NAA16: variants seen among roughly 807,000 people sequenced by gnomAD.
NAA16 encodes the protein N-alpha-acetyltransferase 16, NatA auxiliary subunit, also known as NARG1-like protein.
In NAA16, 97 loss-of-function variants were observed where a neutral mutation model predicts 110.3. The ratio of observed to expected loss-of-function variants is 0.88; its 90% CI spans 0.75 to 1.04. NAA16 has a LOEUF of 1.04. Among genes scored for constraint, NAA16 ranks in the 50% least tolerant of loss-of-function variants. The pLI is 0.00. For missense variants in NAA16, 1,017 were observed against 1,005.1 expected, an observed-to-expected ratio of 1.01 and a Z score of -0.16; for synonymous variants, 372 against 330.6, an observed-to-expected ratio of 1.13 and a Z score of -1.36.
rs148219104 is a variant in NAA16, at chr13:41,325,687, T to C, written c.538-11T>C. ...TTATACAAATAAAGTAATTTGGTCA[T>C]TTTTTTTCAGGTTCCTCCAAACAAA... On this transcript the variant is annotated splice_polypyrimidine_tract_variant and intron_variant, in intron 5 of 19. Transcript: ENST00000379406. 3.8e-4 allele frequency: 569 copies of C among 1,506,134 alleles called. 3 individuals are homozygous for C. In the African/African-American group the frequency reaches 6.9e-3, roughly 18 times the overall value. 93.3% of individuals were successfully genotyped at this position (1,506,134 alleles called of 1,614,324 possible).
intron 6 of NAA16, among the ~76,000 whole-genome samples, chr13:41,327,322 T>C (rs2042120124): frequency 6.6e-6 from 1 of 152,164 alleles, no homozygotes; most frequent in Non-Finnish European, 1.5e-5. Context: ...AAGGCAATTA[T>C]TTTCCTTTCT....
At chr13:41,348,542 C>T (rs551274602) in intron 9 of NAA16, among the ~76,000 whole-genome samples, 18 of 152,086 alleles carry the variant, frequency 1.2e-4, no homozygotes, top group African/African-American at 4.1e-4. Flanking sequence ...TTGATGGGTT[C>T]GATTTGCTAG....
chr13:41,369,165 A>C lies in NAA16; in HGVS notation c.1829A>C (p.Glu610Ala). Residue 610 changes from glutamate (E) to alanine (A), a missense_variant, in exon 15 of 20, where the codon GAA becomes GCA. Glu to Ala is a moderately radical substitution (Grantham distance 107). Coordinates refer to ENST00000379406, the MANE Select transcript of NAA16 (RefSeq NM_024561.5). The stretch of plus-strand genomic sequence containing the variant: ...GCTCAGAAAAAGGCTAAACTAGAAG[A>C]AGAAAGAAAGCATGCAGAAAGAGAA... ...RRAQKKAKLE[E>A]ERKHAERERQ... The C allele has an allele frequency of 2.5e-6, 4 of 1,596,626 alleles. No individual in the cohort carries two copies. Among genetic ancestry groups the C allele is most frequent in the Non-Finnish European group, 3.4e-6 (4 of 1,174,034 alleles).
intron 9 of NAA16, among the ~76,000 whole-genome samples, chr13:41,347,281 C>T (rs1368769015): frequency 1.3e-5 from 2 of 149,818 alleles, no homozygotes; most frequent in African/African-American, 2.4e-5. Context: ...CTACTTTGTT[C>T]TTCAAGACTA....
At chr13:41,346,017 C>T (rs1352177413) in intron 9 of NAA16, among the ~76,000 whole-genome samples, 1 of 152,002 alleles carries the variant, frequency 6.6e-6, no homozygotes, top group Admixed American at 6.6e-5. Context: ...GGATGAAGTC[C>T]AGCTTATCTT....
intron 9 of NAA16, among the ~76,000 whole-genome samples, chr13:41,345,588 G>A (rs2042660022): frequency 6.6e-6 from 1 of 151,912 alleles, no homozygotes; most frequent in Non-Finnish European, 1.5e-5. Context: ...TTTTTTCGTT[G>A]TTTGTGTTTT....
intron 14 of NAA16, among the ~76,000 whole-genome samples, chr13:41,368,606 G>A (rs1234501802): frequency 6.6e-6 from 1 of 152,106 alleles, no homozygotes; most frequent in East Asian, 1.9e-4. Flanking sequence ...GAAAAAAAAA[G>A]TATACAGCTG....
At chr13:41,321,723 T>A (rs2041951297) in intron 4 of NAA16, among the ~76,000 whole-genome samples, 1 of 152,154 alleles carries the variant, frequency 6.6e-6, no homozygotes, top group South Asian at 2.1e-4. Flanking sequence ...CTCCATGTGC[T>A]TAGTCCACTT....
intron 12 of NAA16, among the ~76,000 whole-genome samples, chr13:41,361,286 G>A (rs2043107437): frequency 6.6e-6 from 1 of 152,212 alleles, no homozygotes. Flanking sequence ...TGAAACAGGT[G>A]ATGCTGATAG....
At chr13:41,342,218 A>G (rs2042570744) in intron 9 of NAA16, among the ~76,000 whole-genome samples, 1 of 150,220 alleles carries the variant, frequency 6.7e-6, no homozygotes, top group South Asian at 2.1e-4. Flanking sequence ...GCTCACTGCA[A>G]CTTCCGCCTC....
chr13:41,320,744 A>G lies in NAA16; in HGVS notation c.322A>G (p.Lys108Glu). ...TATAAAATGTTACCGAAATGCCCTC[A>G]AATTAGATAAAGATAACCTGCAAAT... ...EAIKCYRNALKLDKDNLQILR... is the reference protein window; with the variant it reads ...EAIKCYRNALELDKDNLQILR... The change falls in exon 4 of 20, where the codon AAA (lysine) becomes GAA (glutamate). Residue 108 changes from lysine (K) to glutamate (E), a missense_variant. Lys to Glu is a moderately conservative substitution (Grantham distance 56). Coordinates refer to ENST00000379406, the MANE Select transcript of NAA16 (RefSeq NM_024561.5). 1 of 1,613,548 alleles carries G rather than the reference A, an allele frequency of 6.2e-7. No individual in the cohort carries two copies.
chr13:41,337,955 TA>T (rs569086011), intron 9 of NAA16, among the ~76,000 whole-genome samples: 4 of 152,020 alleles, frequency 2.6e-5, no homozygotes, highest in South Asian at 2.1e-4. Context: ...TCATTTATGT[TA>T]AAAAAAACAA....
intron 9 of NAA16, among the ~76,000 whole-genome samples, chr13:41,343,751 G>C (rs1050883125): frequency 6.6e-6 from 1 of 152,186 alleles, no homozygotes; most frequent in Admixed American, 6.5e-5. Context: ...ATGTTGCCCA[G>C]GCTGGTCTCG....
In NAA16 at chr13:41,372,278, C is replaced by A. The variant is rs1428888463; in HGVS notation, c.2023C>A (p.His675Asn). 1 of 1,597,080 alleles carries A rather than the reference C, an allele frequency of 6.3e-7. No individual in the cohort carries two copies. Among genetic ancestry groups the A allele is most frequent in the Non-Finnish European group, 8.5e-7 (1 of 1,172,928 alleles). ...KNLVADNIDTHLLAFEIYFRK... is the reference protein window; with the variant it reads ...KNLVADNIDTNLLAFEIYFRK... ...CCTTGTTGCTGATAACATTGACACT[C>A]ATCTGTTAGCATTTGAAATATATTT... Residue 675 changes from histidine to asparagine, a missense_variant, in exon 16 of 20, where the codon CAT (histidine) becomes AAT (asparagine). His to Asn is a moderately conservative substitution (Grantham distance 68). Transcript: ENST00000379406.
At position 41,311,320 on chromosome 13, in the gene NAA16, G is replaced by A. The variant is rs2041546043; in HGVS notation, c.-209G>A. ...GCTGGCCAAAAAGCGGAGCCCAGGG[G>A]AAGCGTGTCCTGCTCAGACCGCCTT... On this transcript the variant is annotated 5_prime_UTR_variant, in exon 1 of 20. Coordinates refer to ENST00000379406, the MANE Select transcript of NAA16 (RefSeq NM_024561.5). 7.2e-6 allele frequency: 4 copies of A among 554,900 alleles called. No individual in the cohort carries two copies. Among genetic ancestry groups the A allele is most frequent in the East Asian group, 3.3e-5 (1 of 30,208 alleles). 34.4% of individuals were successfully genotyped at this position (554,900 alleles called of 1,614,324 possible).
intron 5 of NAA16, among the ~76,000 whole-genome samples, chr13:41,325,240 C>T (rs1018466293): frequency 6.6e-6 from 1 of 151,706 alleles, no homozygotes; most frequent in African/African-American, 2.4e-5. Flanking sequence ...CAGATGTGCG[C>T]CACCGTGCCT....
At chr13:41,334,639 G>A (rs1220119125) in intron 8 of NAA16, among the ~76,000 whole-genome samples, 1 of 152,192 alleles carries the variant, frequency 6.6e-6, no homozygotes, top group Non-Finnish European at 1.5e-5. Context: ...TGGAAAAAAT[G>A]AGATGGATAA....
At chr13:41,352,802 G>T (rs1489590272) in intron 9 of NAA16, among the ~76,000 whole-genome samples, 2 of 151,932 alleles carry the variant, frequency 1.3e-5, no homozygotes, top group African/African-American at 4.8e-5. Context: ...ATCAGATCTT[G>T]TTTTGAAGTT....
chr13:41,311,942 C>T (rs1257561693), intron 1 of NAA16, among the ~76,000 whole-genome samples: 1 of 152,238 alleles, frequency 6.6e-6, no homozygotes, highest in African/African-American at 2.4e-5. Context: ...GGATCCTCCC[C>T]CGGTGGTTTA....
Sources: gnomAD v4.1 joint callset for allele counts (sites outside exome capture counted in the v4.1 genomes callset) on GRCh38, gnomAD v4.1.1 for gene constraint, MANE v1.5 for transcripts, NCBI Gene and HGNC (gene_info 2026-07-23, HGNC 2026-07-21) for gene names.